Variants in CCDC178 observed in about 807,000 individuals in gnomAD.
CCDC178 encodes coiled-coil domain-containing protein 178.
CCDC178 carries 126 observed loss-of-function variants against 117.4 expected under a neutral mutation model. That is an observed-to-expected ratio of 1.07 (90% CI 0.93 to 1.24). CCDC178 has a LOEUF of 1.24. Ranked by LOEUF, CCDC178 falls within the 50% of genes most tolerant of loss-of-function variation. The pLI is 0.00. For synonymous variants in CCDC178, 283 were observed against 313.4 expected, an observed-to-expected ratio of 0.90 and a Z score of 1.02; for missense variants, 1,030 against 986.9, an observed-to-expected ratio of 1.04 and a Z score of -0.59.
intron 20 of CCDC178, among the ~76,000 whole-genome samples, chr18:33,200,618 T>G (rs546335306): frequency 6.6e-6 from 1 of 152,326 alleles, no homozygotes; most frequent in East Asian, 1.9e-4. Flanking sequence ...TGTATGTCTT[T>G]CCTCCTAATG....
chr18:33,163,329 A>G (rs1480210341), intron 20 of CCDC178, among the ~76,000 whole-genome samples: 1 of 152,204 alleles, frequency 6.6e-6, no homozygotes, highest in African/African-American at 2.4e-5. Flanking sequence ...CCAACACTCA[A>G]TGACTAAGCC....
intron 21 of CCDC178, among the ~76,000 whole-genome samples, chr18:33,053,598 T>C (rs956597160): frequency 8.5e-5 from 13 of 152,160 alleles, no homozygotes; most frequent in Admixed American, 6.5e-5. Flanking sequence ...TCAAACAACA[T>C]TTACTGATAA....
At chr18:32,974,721 A>G (rs1401455824) in intron 21 of CCDC178, 40 bp from the exon 22 acceptor site, 1 of 1,599,354 alleles carries the variant, frequency 6.3e-7, no homozygotes, top group African/African-American at 1.3e-5. Flanking sequence ...AAGTCAGAGG[A>G]GGAGAGGAAA....
At chr18:33,436,807 A>G (rs2064298616) in intron 2 of CCDC178, among the ~76,000 whole-genome samples, 1 of 151,768 alleles carries the variant, frequency 6.6e-6, no homozygotes, top group Non-Finnish European at 1.5e-5. Flanking sequence ...GCTTATTATA[A>G]GAGATCTCCA....
chr18:33,364,750 T>G (rs1293554900), intron 6 of CCDC178, among the ~76,000 whole-genome samples: 1 of 149,266 alleles, frequency 6.7e-6, no homozygotes, highest in Admixed American at 6.7e-5. Context: ...TTTTTTTTTT[T>G]GCAAAGAAAG....
At chr18:33,330,686 G>A (rs2062655864) in intron 10 of CCDC178, among the ~76,000 whole-genome samples, 1 of 152,250 alleles carries the variant, frequency 6.6e-6, no homozygotes, top group African/African-American at 2.4e-5. Flanking sequence ...GGAGGTACAA[G>A]TCCAAAATCT....
intron 4 of CCDC178, 22 bp from the exon 5 acceptor site, chr18:33,389,651 TA>T: frequency 8.0e-7 from 1 of 1,254,124 alleles, no homozygotes; most frequent in Non-Finnish European, 1.1e-6. Flanking sequence ...AAAAAATACA[TA>T]TTTTAGTGAG....
chr18:33,146,997 T>C (rs2058275638), intron 20 of CCDC178, among the ~76,000 whole-genome samples: 1 of 152,168 alleles, frequency 6.6e-6, no homozygotes, highest in South Asian at 2.1e-4. Flanking sequence ...TGTGAAGCCC[T>C]GATCCTGGCA....
chr18:33,005,826 T>A (rs1029272847), intron 21 of CCDC178, among the ~76,000 whole-genome samples: 4 of 152,030 alleles, frequency 2.6e-5, no homozygotes, highest in African/African-American at 4.8e-5. Flanking sequence ...AAAGTAATGA[T>A]CTTTTACGAT....
chr18:32,975,663 C>A (rs902526852), intron 21 of CCDC178, among the ~76,000 whole-genome samples: 4 of 151,982 alleles, frequency 2.6e-5, no homozygotes, highest in African/African-American at 9.7e-5. Context: ...CATTCTGTCA[C>A]TGAAAACTCT....
rs114127071 is a variant in CCDC178, at chr18:33,418,928, T to A, written c.-22-6818A>T. Among the ~76,000 whole-genome samples, 433 of 152,302 alleles carry A rather than the reference T, an allele frequency of 2.8e-3. 3 individuals carry two copies. Among genetic ancestry groups the A allele is most frequent in the African/African-American group, 1.0e-2 (414 of 41,556 alleles). On this transcript the variant is annotated intron_variant, in intron 2 of 22. Coordinates refer to ENST00000383096, the MANE Select transcript of CCDC178 (RefSeq NM_001105528.4). The stretch of plus-strand genomic sequence containing the variant: ...ACATTTCCCAAAGCAATTTACAGAT[T>A]CATTGCTATTCCTACAAAACTACCA...
At chr18:33,053,250 T>G (rs2144933718) in intron 21 of CCDC178, among the ~76,000 whole-genome samples, 1 of 152,264 alleles carries the variant, frequency 6.6e-6, no homozygotes, top group East Asian at 1.9e-4. Context: ...GAGATGGCTT[T>G]CCCTACGGAT....
chr18:33,363,702 T>C (rs1200157604), intron 6 of CCDC178, among the ~76,000 whole-genome samples: 72 of 152,078 alleles, frequency 4.7e-4, no homozygotes. Flanking sequence ...CTTTAGTTCA[T>C]AGATCTATGG....
intron 21 of CCDC178, among the ~76,000 whole-genome samples, chr18:33,023,706 A>T (rs2056168580): frequency 6.6e-6 from 1 of 152,174 alleles, no homozygotes; most frequent in South Asian, 2.1e-4. Flanking sequence ...AAAGCAAGTA[A>T]ATGGAAAAAA....
chr18:33,096,669 T>C (rs193232276), intron 20 of CCDC178, among the ~76,000 whole-genome samples: 5 of 151,982 alleles, frequency 3.3e-5, no homozygotes, highest in Admixed American at 2.0e-4. Flanking sequence ...AAAAATGAAA[T>C]AAAGTCAGGG....
chr18:33,283,261 G>A (rs746006346), intron 12 of CCDC178, among the ~76,000 whole-genome samples: 40 of 152,068 alleles, frequency 2.6e-4, no homozygotes, highest in African/African-American at 8.2e-4. Flanking sequence ...GAAGTCAGTC[G>A]GCTGAATCCT....
chr18:33,382,716 G>A (rs1480479379), intron 5 of CCDC178, among the ~76,000 whole-genome samples: 1 of 152,186 alleles, frequency 6.6e-6, no homozygotes, highest in Admixed American at 6.5e-5. Context: ...TACACCACCA[G>A]GGCCCTGGGT....
At chr18:33,036,021 T>C (rs187056649) in intron 21 of CCDC178, among the ~76,000 whole-genome samples, 2 of 152,070 alleles carry the variant, frequency 1.3e-5, no homozygotes, top group South Asian at 2.1e-4. Context: ...GAGCTATTTC[T>C]TGAAAAAATA....
intron 20 of CCDC178, among the ~76,000 whole-genome samples, chr18:33,094,648 G>A (rs1598877269): frequency 6.6e-6 from 1 of 151,730 alleles, no homozygotes; most frequent in Non-Finnish European, 1.5e-5. Context: ...CTTAATTGGG[G>A]AAATATTTTA....
Sources: gnomAD v4.1 joint callset for allele counts (sites outside exome capture counted in the v4.1 genomes callset) on GRCh38, gnomAD v4.1.1 for gene constraint, MANE v1.5 for transcripts, NCBI Gene and HGNC (gene_info 2026-07-23, HGNC 2026-07-21) for gene names.